ENTPD1: variants seen among roughly 807,000 people sequenced by gnomAD.
ENTPD1 encodes the protein ectonucleoside triphosphate diphosphohydrolase 1.
In ENTPD1, 33 loss-of-function variants were observed where a neutral mutation model predicts 57.0. The ratio of observed to expected loss-of-function variants is 0.58; its 90% CI spans 0.44 to 0.77. The LOEUF (loss-of-function observed/expected upper bound fraction) is 0.77. Ranked by LOEUF, ENTPD1 falls within the 30% of genes least tolerant of loss-of-function variation. ENTPD1 has a pLI of 0.00. For missense variants in ENTPD1, 501 were observed against 603.4 expected, an observed-to-expected ratio of 0.83 and a Z score of 1.78; for synonymous variants, 202 against 218.8, an observed-to-expected ratio of 0.92 and a Z score of 0.68.
In ENTPD1 at chr10:95,852,358, A is replaced by C. The variant is rs2098446845; in HGVS notation, c.1074+4652A>C. On this transcript the variant is annotated intron_variant, in intron 7 of 9. Coordinates refer to ENST00000371205, the MANE Select transcript of ENTPD1 (RefSeq NM_001776.6). ...CTTTGTCAGATGATTAGGTTGCAAA[A>C]ATTTTCTCCCATTCTGTAGGTTGCC... is the stretch of plus-strand genomic sequence containing the variant. Among the ~76,000 whole-genome samples the C allele has an allele frequency of 2.6e-5, 4 of 152,018 alleles. 1 individual carries two copies. The highest frequency in any genetic ancestry group is 3.9e-4 in the East Asian group (2 of 5,184).
chr10:95,743,960 T>C (rs934391008), intron 1 of ENTPD1, among the ~76,000 whole-genome samples: 6 of 144,172 alleles, frequency 4.2e-5, no homozygotes, highest in Non-Finnish European at 7.6e-5. Flanking sequence ...AGGCCCACTC[T>C]GCTGACAGAG....
intron 1 of ENTPD1, among the ~76,000 whole-genome samples, chr10:95,781,427 A>G: frequency 6.6e-6 from 1 of 152,274 alleles, no homozygotes; most frequent in Admixed American, 6.5e-5. Context: ...TGAACATTTA[A>G]AAATAACTAA....
chr10:95,821,996 C>CTTTTTTT (rs71034351), intron 1 of ENTPD1, among the ~76,000 whole-genome samples: 4 of 92,914 alleles, frequency 4.3e-5, no homozygotes, highest in Non-Finnish European at 8.0e-5. Context: ...TAGCTTTTGC[C>CTTTTTTT]TTTTTTTTTT....
intron 1 of ENTPD1, among the ~76,000 whole-genome samples, chr10:95,762,225 A>G (rs191700235): frequency 1.5e-4 from 23 of 152,004 alleles, no homozygotes; most frequent in East Asian, 1.4e-3. Flanking sequence ...AAAAAAAAAA[A>G]AAGAAGTGTT....
chr10:95,766,587 C>G (rs2098089220), intron 1 of ENTPD1, among the ~76,000 whole-genome samples: 1 of 152,114 alleles, frequency 6.6e-6, no homozygotes, highest in South Asian at 2.1e-4. Context: ...TGAAATAACT[C>G]TTTTTATCTA....
Position 95,847,532 on chromosome 10 carries a change from C to G in ENTPD1, c.900C>G (p.Pro300=). 2 of 1,614,184 alleles carry G rather than the reference C, an allele frequency of 1.2e-6. No individual in the cohort carries two copies. Among genetic ancestry groups the G allele is most frequent in the Non-Finnish European group, 1.7e-6 (2 of 1,180,028 alleles). ...VVNVSDLYKT[P]CTKRFEMTLP... is the part of the protein sequence containing the mutation. ...ACGTAAGTGACCTTTACAAGACCCC[C>G]TGCACCAAGAGATTTGAGATGACTC... The change falls in exon 7 of 10, where the codon CCC becomes CCG. Residue 300 remains proline (P), a synonymous_variant. Coordinates refer to ENST00000371205, the MANE Select transcript of ENTPD1 (RefSeq NM_001776.6).
In ENTPD1 at chr10:95,875,587, T is replaced by C. The variant is rs2098484875; in HGVS notation, c.*9204T>C. ...CAGTTCCAAAGTTGCTTCCACATTT[T>C]CGGGTATCTTTTCAGCAATGCCCCA... On this transcript the variant is annotated 3_prime_UTR_variant, in exon 10 of 10. Transcript: ENST00000371205. 1.2e-5 allele frequency: 2 copies of C among 170,508 alleles called. No homozygotes were observed. Among genetic ancestry groups the C allele is most frequent in the Non-Finnish European group, 2.4e-5 (2 of 82,280 alleles). 10.6% of individuals were successfully genotyped at this position (170,508 alleles called of 1,614,324 possible). A position where few individuals can be genotyped will look rare whatever the true frequency, so the allele number is the denominator to read the frequency against.
At chr10:95,756,446 G>T (rs1278478922) in intron 1 of ENTPD1, 191 bp downstream of exon 1, 1 of 660,668 alleles carries the variant, frequency 1.5e-6, no homozygotes, top group African/African-American at 1.8e-5. Flanking sequence ...AGAGTCCAGG[G>T]TTGCAGTCAA....
At chr10:95,778,064 G>C (rs1406609067) in intron 1 of ENTPD1, among the ~76,000 whole-genome samples, 2 of 152,142 alleles carry the variant, frequency 1.3e-5, no homozygotes, top group Non-Finnish European at 2.9e-5. Flanking sequence ...GCTTCCCTTG[G>C]CTAGGAAAGG....
At chr10:95,704,698 A>G in the ENTPD1 span, among the ~76,000 whole-genome samples, 67 of 152,290 alleles carry the variant, frequency 4.4e-4, 1 homozygote, top group African/African-American at 1.6e-3. Flanking sequence ...GTGATGTAAG[A>G]TAATACGATC....
chr10:95,838,876 C>T (rs1262738857), intron 2 of ENTPD1, among the ~76,000 whole-genome samples: 1 of 152,184 alleles, frequency 6.6e-6, no homozygotes, highest in African/African-American at 2.4e-5. Context: ...CTAGTTCTTT[C>T]TCCTGCTGTC....
chr10:95,767,524 CTT>C (rs1484445048), intron 1 of ENTPD1, among the ~76,000 whole-genome samples: 7 of 151,934 alleles, frequency 4.6e-5, no homozygotes, highest in African/African-American at 1.7e-4. Context: ...ATGTTAGTCA[CTT>C]ATTTCACAGG....
At chr10:95,800,505 C>T (rs1735416347) in intron 1 of ENTPD1, among the ~76,000 whole-genome samples, 1 of 152,116 alleles carries the variant, frequency 6.6e-6, no homozygotes, top group African/African-American at 2.4e-5. Context: ...CTAGAATTTA[C>T]CAGGCTGGAA....
At chr10:95,857,182 G>C (rs2098456603) in intron 7 of ENTPD1, among the ~76,000 whole-genome samples, 1 of 152,168 alleles carries the variant, frequency 6.6e-6, no homozygotes, top group Non-Finnish European at 1.5e-5. Context: ...GTGTCTTGGG[G>C]GGTTGGAGGT....
At chr10:95,847,899 T>G (rs1470359522) in intron 7 of ENTPD1, among the ~76,000 whole-genome samples, 193 bp downstream of exon 7, 1 of 152,212 alleles carries the variant, frequency 6.6e-6, no homozygotes, top group African/African-American at 2.4e-5. Context: ...TGTGATCTTT[T>G]TGTGCTAAGG....
the ENTPD1 span, among the ~76,000 whole-genome samples, chr10:95,705,816 C>T: frequency 5.9e-5 from 9 of 152,172 alleles, no homozygotes; most frequent in African/African-American, 9.7e-5. Context: ...AAATGATAAT[C>T]GTGTTGATTT....
At chr10:95,861,390 C>T (rs773363580) in intron 8 of ENTPD1, 3 of 152,198 alleles carry the variant, frequency 2.0e-5, no homozygotes, top group Non-Finnish European at 4.4e-5. Flanking sequence ...TTATAAAAGA[C>T]ATAGCTCAAA....
chr10:95,728,788 C>T (rs1434422844), intron 1 of ENTPD1, among the ~76,000 whole-genome samples: 2 of 152,150 alleles, frequency 1.3e-5, no homozygotes, highest in Non-Finnish European at 2.9e-5. Flanking sequence ...TACAATAGTA[C>T]AGTATGTTCT....
At chr10:95,854,191 T>C (rs2098450334) in intron 7 of ENTPD1, among the ~76,000 whole-genome samples, 1 of 152,266 alleles carries the variant, frequency 6.6e-6, no homozygotes, top group African/African-American at 2.4e-5. Context: ...ATTTATCTAT[T>C]TCTTCTAGAT....
Sources: gnomAD v4.1 joint callset for allele counts (sites outside exome capture counted in the v4.1 genomes callset) on GRCh38, gnomAD v4.1.1 for gene constraint, MANE v1.5 for transcripts, NCBI Gene and HGNC (gene_info 2026-07-23, HGNC 2026-07-21) for gene names.